The following VRK3 variants were observed in gnomAD, a reference collection of about 807,000 sequenced individuals.
VRK3 encodes the protein VRK serine/threonine kinase 3.
VRK3 carries 50 observed loss-of-function variants against 60.4 expected under a neutral mutation model. That is an observed-to-expected ratio of 0.83 (90% CI 0.66 to 1.05). The LOEUF is 1.05. VRK3 is among the 50% of genes least tolerant of loss of function. The pLI, the probability that VRK3 is intolerant of heterozygous loss-of-function variation, is 0.00. For missense variants in VRK3, 549 were observed against 585.3 expected, an observed-to-expected ratio of 0.94 and a Z score of 0.64; for synonymous variants, 246 against 227.8, an observed-to-expected ratio of 1.08 and a Z score of -0.72.
rs1297620228 is a variant in VRK3 at position 50,016,043 on chromosome 19, T to C, written c.120A>G (p.Pro40=). The change falls in exon 3 of 15, where the codon CCA becomes CCG. Residue 40 remains proline, a synonymous_variant. Transcript: ENST00000316763. ...EHVGSQTFVN[P]HVSSFQGSKR... is the part of the protein sequence containing the mutation. ...TCTTACCTTGGAAGGATGACACATGTGGATTGACAAAGGTCTGGGACCCTA... is the reference window on the plus strand; with the variant it reads ...TCTTACCTTGGAAGGATGACACATGCGGATTGACAAAGGTCTGGGACCCTA... 5.0e-6 allele frequency: 8 copies of C among 1,613,970 alleles called. No individual in the cohort carries two copies. The African/African-American group carries it at 6.7e-5, about 13-fold the overall frequency.
chr19:50,000,881 G>A (rs571744830), intron 5 of VRK3, 27 bp from the exon 6 acceptor site: 57 of 1,606,834 alleles, frequency 3.5e-5, no homozygotes, highest in Middle Eastern at 1.7e-4. Context: ...AAGGGAGTGA[G>A]GTTATAACCA....
chr19:50,012,596 G>T (rs751891367), intron 3 of VRK3, among the ~76,000 whole-genome samples: 1 of 152,124 alleles, frequency 6.6e-6, no homozygotes, highest in Non-Finnish European at 1.5e-5. Context: ...AAAGGCAGGG[G>T]TTGGGTTAAG....
chr19:49,997,588 G>C lies in VRK3; in HGVS notation c.613-18C>G. The C allele has an allele frequency of 6.2e-7, 1 of 1,613,440 alleles. No individual in the cohort carries two copies. Among genetic ancestry groups the C allele is most frequent in the South Asian group, 1.1e-5 (1 of 90,962 alleles). On this transcript the variant is annotated intron_variant, in intron 6 of 14. Transcript: ENST00000316763. ...TTGGCATCCTGGTGGGGGACAGGAG[G>C]GGCAGAAGGCTGTCACACTGAAGTC...
At chr19:50,001,131 C>T (rs559068086) in intron 5 of VRK3, 1 of 376,916 alleles carries the variant, frequency 2.7e-6, no homozygotes, top group African/African-American at 2.1e-5. Context: ...GGGAGGGCTC[C>T]CAGAATCCCC....
In VRK3 at chr19:49,979,383, C is replaced by T. The variant is rs1479667560; in HGVS notation, c.1277-141G>A. 5 of 1,185,762 alleles carry T rather than the reference C, an allele frequency of 4.2e-6. No homozygotes were observed. In the African/African-American group the frequency reaches 4.6e-5, roughly 11 times the overall value. The allele number at this position is 1,185,762 out of a possible 1,614,324, so 73.5% of individuals were successfully genotyped here. ...AGCAAAAGTGCCCATTTTCTTGTTG[C>T]CTGGCATTGCCAGAGGACTTCAATT... is the stretch of plus-strand genomic sequence containing the variant. On this transcript the variant is annotated intron_variant, in intron 13 of 14. Transcript: ENST00000316763.
chr19:50,000,761 A>G, intron 6 of VRK3, 29 bp downstream of exon 6: 2 of 1,599,046 alleles, frequency 1.3e-6, no homozygotes, highest in Non-Finnish European at 1.7e-6. Context: ...CTCCCCTCCA[A>G]GCTGCCCCCC....
intron 3 of VRK3, among the ~76,000 whole-genome samples, chr19:50,010,048 T>TTATA (rs767619218): frequency 0.011 from 1,562 of 148,330 alleles, 22 homozygotes; most frequent in African/African-American, 0.037. Flanking sequence ...AATAATTATT[T>TTATA]TATATATATA....
At chr19:49,994,592 G>A (rs12461843) in intron 9 of VRK3, among the ~76,000 whole-genome samples, 14,119 of 152,224 alleles carry the variant, frequency 0.093, 878 homozygotes, top group East Asian at 0.15. Flanking sequence ...GTTTGAGGCC[G>A]GGGCTCCTTC....
chr19:50,005,241 G>A (rs575666699), intron 5 of VRK3, among the ~76,000 whole-genome samples: 57 of 149,308 alleles, frequency 3.8e-4, no homozygotes, highest in Middle Eastern at 3.4e-3. Flanking sequence ...GTGTGTCGGA[G>A]CCAAGTCAGG....
chr19:50,000,403 C>T, intron 6 of VRK3: 1 of 236,624 alleles, frequency 4.2e-6, no homozygotes, highest in Non-Finnish European at 8.4e-6. Context: ...TTTTGGACCC[C>T]ACACCCAGCA....
intron 2 of VRK3, among the ~76,000 whole-genome samples, chr19:50,019,829 T>C (rs1166109770): frequency 6.6e-6 from 1 of 151,476 alleles, no homozygotes; most frequent in Non-Finnish European, 1.5e-5. Context: ...TGGGCCACCA[T>C]GCCTGGTCTA....
intron 1 of VRK3, among the ~76,000 whole-genome samples, chr19:50,024,690 T>C (rs370443668): frequency 1.3e-5 from 2 of 152,196 alleles, no homozygotes; most frequent in South Asian, 4.1e-4. Flanking sequence ...GCCTTCCATA[T>C]AGTAAACGCT....
chr19:49,999,726 CTCA>C (rs959809096), intron 6 of VRK3: 2 of 152,196 alleles, frequency 1.3e-5, no homozygotes, highest in Non-Finnish European at 2.9e-5. Flanking sequence ...CTGGGGCCAA[CTCA>C]TCATCACCAA....
chr19:50,007,634 TTGTC>T lies in VRK3; in HGVS notation c.478_481del (p.Asp160ArgfsTer8), dbSNP rs2076919675. The T allele has an allele frequency of 6.2e-7, 1 of 1,614,078 alleles. No individual in the cohort carries two copies. The highest frequency in any genetic ancestry group is 1.3e-5 in the African/African-American group (1 of 74,932). On this transcript the variant is annotated frameshift_variant, in exon 5 of 15. Transcript: ENST00000316763. LOFTEE classifies it high-confidence loss of function. ...CTTCAGCTTCCACTGTCGCCCACTCTTGTCTGTCAGCACTGTCCCTGTGGGCAAA... is the reference window on the plus strand; with the variant it reads ...CTTCAGCTTCCACTGTCGCCCACTCTTGTCAGCACTGTCCCTGTGGGCAAA...
chr19:49,982,253 G>A (rs755486729), intron 12 of VRK3: 2 of 702,190 alleles, frequency 2.8e-6, no homozygotes, highest in Non-Finnish European at 5.2e-6. Context: ...CCTGAACAAA[G>A]CTGATAAAAC....
intron 10 of VRK3, among the ~76,000 whole-genome samples, chr19:49,991,576 T>C (rs763967923): frequency 7.4e-4 from 112 of 152,112 alleles, no homozygotes; most frequent in Non-Finnish European, 6.6e-4. Flanking sequence ...TCTCTGAAGA[T>C]TCCTAATGCT....
intron 3 of VRK3, among the ~76,000 whole-genome samples, chr19:50,011,682 C>T (rs1048505243): frequency 5.9e-5 from 9 of 152,044 alleles, no homozygotes; most frequent in Non-Finnish European, 8.8e-5. Context: ...AACTCCCTCC[C>T]GTGGTCCTGC....
intron 12 of VRK3, 95 bp from the exon 13 acceptor site, chr19:49,981,108 T>C: frequency 2.8e-6 from 3 of 1,060,372 alleles, no homozygotes; most frequent in Non-Finnish European, 2.7e-6. Context: ...GCCTAAGATA[T>C]ATACACAGTC....
At chr19:50,015,419 C>T (rs1387032113) in intron 3 of VRK3, among the ~76,000 whole-genome samples, 1 of 152,110 alleles carries the variant, frequency 6.6e-6, no homozygotes, top group African/African-American at 2.4e-5. Flanking sequence ...AGCAATTCTC[C>T]TGCCTCAGAC....
Sources: gnomAD v4.1 joint callset for allele counts (sites outside exome capture counted in the v4.1 genomes callset) on GRCh38, gnomAD v4.1.1 for gene constraint, MANE v1.5 for transcripts, NCBI Gene and HGNC (gene_info 2026-07-23, HGNC 2026-07-21) for gene names.